The following CACNA1C variants were observed in gnomAD, a reference collection of about 807,000 sequenced individuals.
CACNA1C encodes calcium voltage-gated channel subunit alpha1 C.
A neutral mutation model predicts 229.0 loss-of-function variants in CACNA1C; 30 were observed. That is an observed-to-expected ratio of 0.13 (90% confidence interval 0.10 to 0.18). The LOEUF is 0.18. CACNA1C is among the 10% of genes least tolerant of loss of function. The probability of loss-of-function intolerance (pLI) is 1.00; values close to 1 mark genes in which losing one functional copy is unlikely to be tolerated. For missense variants in CACNA1C, 1,658 were observed against 2,845.0 expected (o/e 0.58, Z 9.49); for synonymous variants, 1,114 against 1,132.5 (o/e 0.98, Z 0.33).
At chr12:2,217,107 A>G (rs1001181103) in intron 3 of CACNA1C, among the ~76,000 whole-genome samples, 1 of 152,264 alleles carries the variant, frequency 6.6e-6, no homozygotes, top group Non-Finnish European at 1.5e-5. Flanking sequence ...ACATGCTACA[A>G]CATGGATGAA....
At chr12:2,320,380 AAAGT>A (rs1567038338) in intron 3 of CACNA1C, among the ~76,000 whole-genome samples, 2 of 152,266 alleles carry the variant, frequency 1.3e-5, no homozygotes, top group African/African-American at 4.8e-5. Flanking sequence ...GCAAAAATAA[AAAGT>A]AAGCAGAACC....
At chr12:2,048,321 G>A (rs2154497974), upstream of CACNA1C, 1 of 152,322 alleles carries the variant, frequency 6.6e-6, no homozygotes, top group East Asian at 1.9e-4. Context: ...AGATAAAGAA[G>A]GTAAGGTGTC....
chr12:1,989,269 A>T (rs11062045), intron 1 of CACNA1C, among the ~76,000 whole-genome samples: 24,489 of 152,182 alleles, frequency 0.16, 2,086 homozygotes, highest in Admixed American at 0.2. Flanking sequence ...CCAGGAGTTC[A>T]AGGTTGCAAT....
At chr12:2,399,774 C>T (rs1459843406) in intron 3 of CACNA1C, among the ~76,000 whole-genome samples, 1 of 152,222 alleles carries the variant, frequency 6.6e-6, no homozygotes, top group Non-Finnish European at 1.5e-5. Context: ...CCAGGGACCC[C>T]ACTCTTTTCT....
At chr12:2,481,927 C>T (rs1335302058) in intron 5 of CACNA1C, among the ~76,000 whole-genome samples, 1 of 152,264 alleles carries the variant, frequency 6.6e-6, no homozygotes, top group African/African-American at 2.4e-5. Flanking sequence ...CTGAAGAAGG[C>T]CCGACACTCG....
At chr12:2,025,307 G>A (rs560489797) in intron 1 of CACNA1C, among the ~76,000 whole-genome samples, 1 of 152,290 alleles carries the variant, frequency 6.6e-6, no homozygotes, top group East Asian at 1.9e-4. Flanking sequence ...ATTCCAAGCG[G>A]TGGTGTCTCA....
At position 2,556,774 on chromosome 12, in the gene CACNA1C, A is replaced by G. The variant is rs117791272; in HGVS notation, c.1482-177A>G. On this transcript the variant is annotated intron_variant, in intron 10 of 46. Coordinates refer to ENST00000399655, the MANE Select transcript of CACNA1C (RefSeq NM_000719.7). ...AGCCAGGCCAGACCTCAGTCTCCAC[A>G]TTCAAATACATAAATAGGGTTCTTT... Among the ~76,000 whole-genome samples, 4,601 of 152,288 alleles carry G rather than the reference A, an allele frequency of 0.03. 105 individuals carry two copies. Among genetic ancestry groups the G allele is most frequent in the Non-Finnish European group, 0.046 (3,145 of 68,010 alleles).
intron 3 of CACNA1C, among the ~76,000 whole-genome samples, chr12:2,262,624 C>G (rs1325893517): frequency 1.3e-5 from 2 of 152,162 alleles, no homozygotes; most frequent in Admixed American, 1.3e-4. Flanking sequence ...GATGCTGTGG[C>G]TGGTGGTGCA....
intron 21 of CACNA1C, among the ~76,000 whole-genome samples, chr12:2,599,582 C>T (rs1422701395): frequency 6.6e-6 from 1 of 152,146 alleles, no homozygotes. Flanking sequence ...GAACAGAGAG[C>T]TTTCCTACCC....
At chr12:2,360,834 TG>T (rs1356584096) in intron 3 of CACNA1C, among the ~76,000 whole-genome samples, 3 of 152,102 alleles carry the variant, frequency 2.0e-5, no homozygotes, top group African/African-American at 7.2e-5. Context: ...TTAAATTCAA[TG>T]TTTTTTTTTT....
At chr12:2,315,689 A>C (rs966124340) in intron 3 of CACNA1C, among the ~76,000 whole-genome samples, 3 of 151,816 alleles carry the variant, frequency 2.0e-5, no homozygotes. Flanking sequence ...GGAAGAAAAA[A>C]CCCTATTAAT....
At chr12:2,058,035 A>G (rs1411171501) in intron 1 of CACNA1C, among the ~76,000 whole-genome samples, 1 of 152,252 alleles carries the variant, frequency 6.6e-6, no homozygotes, top group Non-Finnish European at 1.5e-5. Flanking sequence ...AGAAAAGCTC[A>G]GGAGACCCAG....
In CACNA1C at chr12:1,998,021, A is replaced by G. The variant is rs745608673; in HGVS notation, c.139+26820A>G. On this transcript the variant is annotated intron_variant, in intron 1 of 46. Coordinates refer to the CACNA1C transcript ENST00000682462. Reference sequence around the variant, plus strand: ...ACACAAGACATGTATGTTCTCTTCAATTCACAAAGGTATAAAACAAATTCT... The same window carrying G: ...ACACAAGACATGTATGTTCTCTTCAGTTCACAAAGGTATAAAACAAATTCT... 8 of 1,540,278 alleles carry G rather than the reference A, an allele frequency of 5.2e-6. No homozygotes were observed. The South Asian group carries it at 8.4e-5, about 16-fold the overall frequency.
intron 3 of CACNA1C, among the ~76,000 whole-genome samples, chr12:2,390,853 G>A (rs2098468937): frequency 6.6e-6 from 1 of 152,194 alleles, no homozygotes; most frequent in Non-Finnish European, 1.5e-5. Flanking sequence ...TTGCGTGAGT[G>A]CAAGGTCTGA....
intron 10 of CACNA1C, among the ~76,000 whole-genome samples, chr12:2,551,433 C>T (rs952896391): frequency 3.3e-5 from 5 of 152,194 alleles, no homozygotes; most frequent in Admixed American, 6.5e-5. Flanking sequence ...CCCGTTATCC[C>T]CATGTTTAGC....
intron 3 of CACNA1C, among the ~76,000 whole-genome samples, chr12:2,413,323 A>G (rs902795137): frequency 3.3e-5 from 5 of 152,174 alleles, no homozygotes; most frequent in African/African-American, 1.2e-4. Flanking sequence ...AGCCTACCCA[A>G]TGCTTTTTGA....
At chr12:2,462,968 A>G (rs2099522277) in intron 5 of CACNA1C, among the ~76,000 whole-genome samples, 1 of 139,072 alleles carries the variant, frequency 7.2e-6, no homozygotes, top group East Asian at 2.1e-4. Flanking sequence ...GCTGGAGTGC[A>G]GTGGTGTGAT....
intron 1 of CACNA1C, among the ~76,000 whole-genome samples, chr12:1,983,771 T>C (rs543590976): frequency 1.3e-5 from 2 of 152,178 alleles, no homozygotes; most frequent in Non-Finnish European, 2.9e-5. Context: ...TCCATATACT[T>C]GCTGTTTTCT....
chr12:2,493,612 G>T lies in CACNA1C; in HGVS notation c.1113+226G>T, dbSNP rs182745617. ...CCCCCACCCGCCAGCCTTAGGGGAAGGTCATTTTTCCAGTGCGTCCCACAG... is the reference window on the plus strand; with the variant it reads ...CCCCCACCCGCCAGCCTTAGGGGAATGTCATTTTTCCAGTGCGTCCCACAG... On this transcript the variant is annotated intron_variant, in intron 7 of 46. Transcript: ENST00000399655. The surrounding 1 kb of genome is among the most constrained non-coding windows in gnomAD (Gnocchi z 4.6). Among the ~76,000 whole-genome samples, 89 of 152,166 alleles carry T rather than the reference G, an allele frequency of 5.8e-4. No homozygotes were observed. Among genetic ancestry groups the T allele is most frequent in the Non-Finnish European group, 1.2e-3 (80 of 68,020 alleles).
Sources: gnomAD v4.1 joint callset for allele counts (sites outside exome capture counted in the v4.1 genomes callset) on GRCh38, gnomAD v4.1.1 for gene constraint, Gnocchi (gnomAD v3.1) non-coding constraint, MANE v1.5 for transcripts, NCBI Gene and HGNC (gene_info 2026-07-23, HGNC 2026-07-21) for gene names.